The following THRB variants were observed in gnomAD, a reference collection of about 807,000 sequenced individuals.
THRB encodes thyroid hormone receptor beta.
THRB carries 12 observed loss-of-function variants against 47.8 expected under a neutral mutation model. The observed-to-expected ratio is 0.25, with a 90% CI of 0.16 to 0.41. THRB has a LOEUF of 0.41. Ranked by LOEUF, THRB falls within the 10% of genes least tolerant of loss-of-function variation. The pLI is 1.00. For synonymous variants in THRB, 218 were observed against 212.2 expected (o/e 1.03, Z -0.24); for missense variants, 348 against 589.2 (o/e 0.59, Z 4.24).
chr3:24,205,470 A>C (rs2045217283), intron 4 of THRB, among the ~76,000 whole-genome samples: 1 of 152,212 alleles, frequency 6.6e-6, no homozygotes, highest in Non-Finnish European at 1.5e-5. Flanking sequence ...TGTCACCACC[A>C]GGCCTGCCCT....
intron 4 of THRB, among the ~76,000 whole-genome samples, chr3:24,210,514 G>A (rs544995823): frequency 1.1e-4 from 16 of 151,906 alleles, no homozygotes; most frequent in Admixed American, 6.6e-4. Context: ...GTGGGTACAC[G>A]CCAGGGATGT....
Position 24,121,412 on chromosome 3 carries a change from A to G in THRB, c.*1472T>C, listed in dbSNP as rs1298100498. On this transcript the variant is annotated 3_prime_UTR_variant, in exon 11 of 11. Transcript: ENST00000646209. ...TTCCCCAATATTTCCAGGATAAGGC[A>G]GTAAAAGGTAGGCAAAGGAATAGTT... 1 of 152,664 alleles carries G rather than the reference A, an allele frequency of 6.6e-6. No individual in the cohort carries two copies. Among genetic ancestry groups the G allele is most frequent in the Non-Finnish European group, 1.5e-5 (1 of 68,058 alleles). 9.5% of individuals were successfully genotyped at this position (152,664 alleles called of 1,614,324 possible). A position where few individuals can be genotyped will look rare whatever the true frequency, so the allele number is the denominator to read the frequency against.
At chr3:24,161,055 T>C (rs1355484297) in intron 5 of THRB, among the ~76,000 whole-genome samples, 1 of 152,252 alleles carries the variant, frequency 6.6e-6, no homozygotes, top group Non-Finnish European at 1.5e-5. Context: ...AGCTCACGCT[T>C]TTGTCTGCAC....
intron 4 of THRB, among the ~76,000 whole-genome samples, chr3:24,210,934 C>T (rs993532018): frequency 6.6e-6 from 1 of 151,724 alleles, no homozygotes; most frequent in African/African-American, 2.4e-5. Context: ...TGCGGTGGCT[C>T]ATGCCTGTAA....
chr3:24,382,235 T>C (rs1683627295), intron 1 of THRB, among the ~76,000 whole-genome samples: 1 of 152,066 alleles, frequency 6.6e-6, no homozygotes, highest in South Asian at 2.1e-4. Flanking sequence ...AACTGATAAA[T>C]TCTAAATACA....
intron 5 of THRB, among the ~76,000 whole-genome samples, chr3:24,177,352 G>A (rs555833963): frequency 1.9e-4 from 29 of 152,206 alleles, no homozygotes; most frequent in African/African-American, 6.0e-4. Flanking sequence ...GCCTAGACTC[G>A]AAGCTCTGCC....
At chr3:24,479,258 C>T (rs912487594) in intron 1 of THRB, among the ~76,000 whole-genome samples, 2 of 152,162 alleles carry the variant, frequency 1.3e-5, no homozygotes, top group Admixed American at 6.5e-5. Context: ...GCTGAGATTG[C>T]GCCACCGCAC....
intron 10 of THRB, among the ~76,000 whole-genome samples, chr3:24,126,592 G>C (rs1223526548): frequency 1.3e-5 from 2 of 151,692 alleles, no homozygotes; most frequent in African/African-American, 4.9e-5. Context: ...AGGGACTTAC[G>C]TGGACAAGTG....
intron 4 of THRB, among the ~76,000 whole-genome samples, chr3:24,213,080 C>T (rs1023585264): frequency 6.6e-5 from 10 of 152,028 alleles, no homozygotes; most frequent in African/African-American, 2.4e-4. Flanking sequence ...TGTAAGGGTG[C>T]CAAGTAGACC....
At chr3:24,362,548 A>C (rs1044003794) in intron 1 of THRB, among the ~76,000 whole-genome samples, 5 of 152,044 alleles carry the variant, frequency 3.3e-5, no homozygotes, top group Non-Finnish European at 5.9e-5. Context: ...CCAACACTGT[A>C]CTTATTGATT....
At chr3:24,351,876 C>T (rs558879283) in intron 1 of THRB, among the ~76,000 whole-genome samples, 1 of 152,226 alleles carries the variant, frequency 6.6e-6, no homozygotes, top group South Asian at 2.1e-4. Context: ...TACAGGGAAC[C>T]CTATATACTC....
intron 4 of THRB, among the ~76,000 whole-genome samples, chr3:24,207,813 CCTATT>C (rs2045561653): frequency 6.6e-6 from 1 of 152,154 alleles, no homozygotes; most frequent in Non-Finnish European, 1.5e-5. Context: ...TCTCACCACT[CCTATT>C]CAACATAGTG....
At chr3:24,301,407 T>C (rs2056931572) in intron 2 of THRB, among the ~76,000 whole-genome samples, 1 of 152,222 alleles carries the variant, frequency 6.6e-6, no homozygotes, top group South Asian at 2.1e-4. Flanking sequence ...TAACTACTTA[T>C]ATCTTTTCCC....
intron 4 of THRB, among the ~76,000 whole-genome samples, chr3:24,192,431 G>A (rs565326780): frequency 5.3e-5 from 8 of 152,026 alleles, no homozygotes; most frequent in Non-Finnish European, 1.0e-4. Context: ...ATTGCATCTC[G>A]CAAAGCTTAA....
Position 24,122,069 on chromosome 3 carries a change from T to TA in THRB, c.*814dup, listed in dbSNP as rs1368491509. On this transcript the variant is annotated 3_prime_UTR_variant, in exon 11 of 11. Transcript: ENST00000646209. ...ACCCTGTAAATAGGTTTGATTTCTGTAAAAGTGTTCTCTGAGCCTAAATGG... is the reference window on the plus strand; with the variant it reads ...ACCCTGTAAATAGGTTTGATTTCTGTAAAAAGTGTTCTCTGAGCCTAAATGG... 1 of 152,644 alleles carries TA rather than the reference T, an allele frequency of 6.6e-6. No individual in the cohort carries two copies. Among genetic ancestry groups the TA allele is most frequent in the Non-Finnish European group, 1.5e-5 (1 of 68,036 alleles). 9.5% of individuals were successfully genotyped at this position (152,644 alleles called of 1,614,324 possible).
At chr3:24,352,142 T>C (rs2063395846) in intron 1 of THRB, among the ~76,000 whole-genome samples, 1 of 152,120 alleles carries the variant, frequency 6.6e-6, no homozygotes, top group Non-Finnish European at 1.5e-5. Context: ...CTAGCAAACA[T>C]GTTGGAAGGA....
chr3:24,133,117 A>G lies in THRB; in HGVS notation c.885+199T>C, dbSNP rs151212935. 2.9e-3 allele frequency among the ~76,000 whole-genome samples: 438 copies of G among 152,338 alleles called. 2 individuals are homozygous for G. Among genetic ancestry groups the G allele is most frequent in the African/African-American group, 0.01 (423 of 41,568 alleles). Reference sequence around the variant, plus strand: ...TAGGATCTTGATGGGCCTTACACGGACAAGCTAATGAATGATGACTAAATA... The same window carrying G: ...TAGGATCTTGATGGGCCTTACACGGGCAAGCTAATGAATGATGACTAAATA... On this transcript the variant is annotated intron_variant, in intron 9 of 10. Transcript: ENST00000646209.
intron 1 of THRB, among the ~76,000 whole-genome samples, chr3:24,444,524 A>C (rs2071871566): frequency 6.6e-6 from 1 of 152,214 alleles, no homozygotes; most frequent in African/African-American, 2.4e-5. Context: ...AGATATTTTG[A>C]AATTATTGAA....
At chr3:24,414,894 G>A (rs192467693) in intron 1 of THRB, among the ~76,000 whole-genome samples, 2 of 151,862 alleles carry the variant, frequency 1.3e-5, no homozygotes, top group Non-Finnish European at 2.9e-5. Context: ...AAATGAAACG[G>A]CATTAGCTGA....
Sources: gnomAD v4.1 joint callset for allele counts (sites outside exome capture counted in the v4.1 genomes callset) on GRCh38, gnomAD v4.1.1 for gene constraint, MANE v1.5 for transcripts, NCBI Gene and HGNC (gene_info 2026-07-23, HGNC 2026-07-21) for gene names.